Variants in ANAPC10 observed in about 807,000 individuals in gnomAD.
ANAPC10 encodes anaphase promoting complex subunit 10.
Under a neutral mutation model 22.0 loss-of-function variants are expected in ANAPC10, and 12 were observed. That is an observed-to-expected ratio of 0.55 (90% CI 0.35 to 0.88). The LOEUF (loss-of-function observed/expected upper bound fraction) is 0.88, where lower values mean the gene tolerates loss of function less well. ANAPC10 is among the 40% of genes least tolerant of loss of function. The pLI, the probability that ANAPC10 is intolerant of heterozygous loss-of-function variation, is 0.01. For synonymous variants in ANAPC10, 65 were observed against 69.5 expected (o/e 0.94, Z 0.32); for missense variants, 188 against 220.9 (o/e 0.85, Z 0.94).
At chr4:145,034,541 A>ATGTG (rs1334309678) in intron 4 of ANAPC10, among the ~76,000 whole-genome samples, 19 of 140,470 alleles carry the variant, frequency 1.4e-4, no homozygotes, top group African/African-American at 4.1e-4. Context: ...ATATATATAT[A>ATGTG]TATGTGTGTG....
intron 4 of ANAPC10, among the ~76,000 whole-genome samples, chr4:145,027,023 A>T (rs2127028114): frequency 2.2e-5 from 1 of 45,410 alleles, no homozygotes; most frequent in African/African-American, 9.5e-5. Flanking sequence ...TTTTTTTTTG[A>T]GACAGAGTCT....
intron 4 of ANAPC10, among the ~76,000 whole-genome samples, chr4:145,027,250 C>T (rs1476877170): frequency 6.6e-5 from 10 of 150,992 alleles, no homozygotes; most frequent in African/African-American, 2.2e-4. Flanking sequence ...GTGATCTGCC[C>T]GCCTCAGCCT....
At position 144,995,103 on chromosome 4, in the gene ANAPC10, A is replaced by T. The variant is rs1399730740; in HGVS notation, c.*270T>A. 1 of 236,196 alleles carries T rather than the reference A, an allele frequency of 4.2e-6. No homozygotes were observed. The highest frequency in any genetic ancestry group is 8.2e-6 in the Non-Finnish European group (1 of 122,292). The allele number at this position is 236,196 out of a possible 1,614,324, so 14.6% of individuals were successfully genotyped here. A position where few individuals can be genotyped will look rare whatever the true frequency, so the allele number is the denominator to read the frequency against. ...CAGTTCAACTCTTTTCTTTTGATAC[A>T]AGGAACTCTTTTCTTTTGATACAAG... On this transcript the variant is annotated 3_prime_UTR_variant, in exon 5 of 5. Transcript: ENST00000507656.
chr4:145,052,450 G>A (rs1741260640), intron 4 of ANAPC10, among the ~76,000 whole-genome samples: 1 of 151,860 alleles, frequency 6.6e-6, no homozygotes, highest in South Asian at 2.1e-4. Flanking sequence ...TTACAGAGGT[G>A]GAATCCGCGT....
At chr4:145,082,891 G>C (rs1023354445) in intron 2 of ANAPC10, among the ~76,000 whole-genome samples, 1 of 152,018 alleles carries the variant, frequency 6.6e-6, no homozygotes, top group African/African-American at 2.4e-5. Context: ...AATCCAAAAG[G>C]AACAAGACAC....
intron 4 of ANAPC10, among the ~76,000 whole-genome samples, chr4:145,029,004 C>A (rs1737145478): frequency 6.6e-6 from 1 of 152,130 alleles, no homozygotes; most frequent in Admixed American, 6.5e-5. Flanking sequence ...AATCTCTTAC[C>A]ATGTGAGTGG....
chr4:145,025,684 ATAC>A (rs1284183999), intron 4 of ANAPC10, among the ~76,000 whole-genome samples: 1 of 152,222 alleles, frequency 6.6e-6, no homozygotes, highest in African/African-American at 2.4e-5. Context: ...GAAGTTTGAA[ATAC>A]TACAAGAATT....
intron 4 of ANAPC10, among the ~76,000 whole-genome samples, chr4:145,006,752 C>T (rs1204851629): frequency 1.3e-5 from 2 of 152,044 alleles, no homozygotes; most frequent in African/African-American, 4.8e-5. Context: ...ACCTTCTTAG[C>T]CTTTTTTCTG....
intron 4 of ANAPC10, among the ~76,000 whole-genome samples, chr4:145,042,622 C>G (rs1423844417): frequency 2.0e-5 from 3 of 151,968 alleles, no homozygotes; most frequent in African/African-American, 4.8e-5. Flanking sequence ...ATAGCCATGA[C>G]AACTTATCCT....
intron 4 of ANAPC10, among the ~76,000 whole-genome samples, chr4:145,042,595 T>C (rs1189455352): frequency 6.6e-6 from 1 of 152,118 alleles, no homozygotes; most frequent in Non-Finnish European, 1.5e-5. Context: ...GATGTGCCAA[T>C]AACATTAGTG....
intron 4 of ANAPC10, chr4:145,053,788 A>C: frequency 1.5e-6 from 1 of 654,658 alleles, no homozygotes; most frequent in Non-Finnish European, 2.7e-6. Flanking sequence ...AGGCTGAAAA[A>C]AAAAAAAGGT....
chr4:145,008,838 G>A (rs1733835687), intron 4 of ANAPC10, among the ~76,000 whole-genome samples: 1 of 152,118 alleles, frequency 6.6e-6, no homozygotes, highest in Non-Finnish European at 1.5e-5. Flanking sequence ...GTTCTGGCCA[G>A]GGCAATCAGG....
At chr4:145,087,301 A>G (rs1747039349) in intron 2 of ANAPC10, among the ~76,000 whole-genome samples, 1 of 152,138 alleles carries the variant, frequency 6.6e-6, no homozygotes, top group Non-Finnish European at 1.5e-5. Flanking sequence ...TAAAACAGTC[A>G]TTTTCCTTTC....
intron 4 of ANAPC10, among the ~76,000 whole-genome samples, chr4:145,018,960 T>C (rs1168762002): frequency 2.0e-5 from 3 of 152,044 alleles, no homozygotes; most frequent in African/African-American, 7.2e-5. Flanking sequence ...CAATTACTAA[T>C]AGACCTAAAA....
intron 4 of ANAPC10, among the ~76,000 whole-genome samples, chr4:145,016,059 C>T (rs188493722): frequency 1.1e-4 from 16 of 152,252 alleles, no homozygotes; most frequent in Middle Eastern, 3.4e-3. Flanking sequence ...AAAACTGGCA[C>T]GAGACAGGGA....
chr4:145,084,932 T>C (rs907683041), intron 2 of ANAPC10, among the ~76,000 whole-genome samples: 1 of 152,232 alleles, frequency 6.6e-6, no homozygotes, highest in African/African-American at 2.4e-5. Context: ...TACTATAAAA[T>C]TCCCCATGAA....
chr4:145,031,553 G>A (rs370693269), intron 4 of ANAPC10, among the ~76,000 whole-genome samples: 3 of 152,292 alleles, frequency 2.0e-5, no homozygotes, highest in East Asian at 1.9e-4. Context: ...CCCACTTATC[G>A]AGTGACCTGA....
intron 3 of ANAPC10, among the ~76,000 whole-genome samples, chr4:145,070,236 T>C (rs1744296738): frequency 6.6e-6 from 1 of 152,238 alleles, no homozygotes; most frequent in Non-Finnish European, 1.5e-5. Context: ...CACTCCGTCA[T>C]ATACACATTG....
chr4:145,005,869 C>A (rs540505009), intron 4 of ANAPC10, among the ~76,000 whole-genome samples: 1 of 150,892 alleles, frequency 6.6e-6, no homozygotes, highest in African/African-American at 2.4e-5. Context: ...TTGTTTTATG[C>A]CTGATTGTGT....
Sources: gnomAD v4.1 joint callset for allele counts (sites outside exome capture counted in the v4.1 genomes callset) on GRCh38, gnomAD v4.1.1 for gene constraint, MANE v1.5 for transcripts, NCBI Gene and HGNC (gene_info 2026-07-23, HGNC 2026-07-21) for gene names.